The following SLC2A9 variants were observed in gnomAD, a reference collection of about 807,000 sequenced individuals.
The protein encoded by SLC2A9 is solute carrier family 2, facilitated glucose transporter member 9.
SLC2A9 carries 39 observed loss-of-function variants against 50.6 expected under a neutral mutation model. The ratio of observed to expected loss-of-function variants is 0.77; its 90% CI spans 0.60 to 1.01. SLC2A9 has a LOEUF of 1.01. SLC2A9 is among the 50% of genes least tolerant of loss of function. The probability of loss-of-function intolerance (pLI) is 0.00; values close to 1 mark genes in which losing one functional copy is unlikely to be tolerated. For missense variants in SLC2A9, 686 were observed against 677.6 expected (o/e 1.01, Z -0.14); for synonymous variants, 324 against 276.9 (o/e 1.17, Z -1.69).
chr4:9,939,115 C>T (rs1747663744), intron 6 of SLC2A9, among the ~76,000 whole-genome samples: 1 of 152,154 alleles, frequency 6.6e-6, no homozygotes, highest in African/African-American at 2.4e-5. Context: ...AGAGAAAACG[C>T]TTGTGTTTTC....
At chr4:9,818,746 C>T (rs2109029845) in intron 3 of SLC2A9, among the ~76,000 whole-genome samples, 1 of 152,328 alleles carries the variant, frequency 6.6e-6, no homozygotes, top group Admixed American at 6.5e-5. Context: ...TTGCTTGCCA[C>T]AGCATTGACA....
rs143685593 is a variant in SLC2A9, at chr4:10,010,171, T to A, written c.249+8804A>T. 9.9e-5 allele frequency among the ~76,000 whole-genome samples: 15 copies of A among 152,272 alleles called. 1 individual carries two copies. In the East Asian group the frequency reaches 2.9e-3, roughly 29 times the overall value. On this transcript the variant is annotated intron_variant, in intron 2 of 11. Transcript: ENST00000264784. ...GAGTTCAACCTTATGGCCAATGATT[T>A]GATCAATCACATCTACATGATGAAA...
chr4:9,924,626 T>G (rs1386871893), intron 6 of SLC2A9, among the ~76,000 whole-genome samples: 1 of 152,100 alleles, frequency 6.6e-6, no homozygotes, highest in Non-Finnish European at 1.5e-5. Flanking sequence ...GGAGAAGTGG[T>G]GCTTCCTCAA....
chr4:9,789,209 C>CA (rs1719597307), intron 3 of SLC2A9, among the ~76,000 whole-genome samples: 1 of 151,954 alleles, frequency 6.6e-6, no homozygotes, highest in South Asian at 2.1e-4. Context: ...ACCTGGAAGT[C>CA]AAAGAGATTA....
At chr4:9,931,964 A>C (rs58354127) in intron 6 of SLC2A9, among the ~76,000 whole-genome samples, 1,104 of 21,492 alleles carry the variant, frequency 0.051, 7 homozygotes, top group Non-Finnish European at 0.059. Flanking sequence ...CTCTCTCTCT[A>C]TATATATATA....
At chr4:9,840,958 T>C (rs1029682950) in intron 10 of SLC2A9, among the ~76,000 whole-genome samples, 4 of 152,252 alleles carry the variant, frequency 2.6e-5, no homozygotes, top group East Asian at 3.9e-4. Flanking sequence ...TTTGAAACCA[T>C]TAGATCTTGT....
chr4:9,844,166 TA>T lies in SLC2A9; in HGVS notation c.1292-9159del, dbSNP rs970014171. The stretch of plus-strand genomic sequence containing the variant: ...AGATTTAGTAAAAAAAAAATAATAA[TA>T]AAAAAAAAAAAAAGTCCTTCTGACT... On this transcript the variant is annotated intron_variant, in intron 10 of 11. Coordinates refer to ENST00000264784, the MANE Select transcript of SLC2A9 (RefSeq NM_020041.3). Among the ~76,000 whole-genome samples, 230 of 87,388 alleles carry T rather than the reference TA, an allele frequency of 2.6e-3. 10 individuals are homozygous for T. Among genetic ancestry groups the T allele is most frequent in the East Asian group, 0.021 (66 of 3,142 alleles). 57.3% of individuals were successfully genotyped at this position (87,388 alleles called of 152,430 possible). A position where few individuals can be genotyped will look rare whatever the true frequency, so the allele number is the denominator to read the frequency against.
At chr4:9,984,364 G>A (rs1226129945) in intron 4 of SLC2A9, among the ~76,000 whole-genome samples, 2 of 152,172 alleles carry the variant, frequency 1.3e-5, no homozygotes, top group Non-Finnish European at 2.9e-5. Context: ...AAGGGAATTA[G>A]CCTTTAAGAA....
At position 9,950,892 on chromosome 4, in the gene SLC2A9, C is replaced by CAAAAA. The variant is rs764863059; in HGVS notation, c.682-8852_682-8848dup. On this transcript the variant is annotated intron_variant, in intron 5 of 11. Transcript: ENST00000264784. ...TGGGCGACAGAGCGAGACTCCGTCT[C>CAAAAA]AAAAAAAAAAAAAAAAAAAAAAAAA... Among the ~76,000 whole-genome samples, 21 of 11,552 alleles carry CAAAAA rather than the reference C, an allele frequency of 1.8e-3. 5 individuals carry two copies. The highest frequency in any genetic ancestry group is 5.2e-3 in the South Asian group (1 of 194). 7.6% of individuals were successfully genotyped at this position (11,552 alleles called of 152,430 possible). A position where few individuals can be genotyped will look rare whatever the true frequency, so the allele number is the denominator to read the frequency against.
At chr4:9,899,829 C>G (rs904156751) in intron 8 of SLC2A9, among the ~76,000 whole-genome samples, 1 of 152,086 alleles carries the variant, frequency 6.6e-6, no homozygotes, top group African/African-American at 2.4e-5. Flanking sequence ...CCCATGCCAA[C>G]TGGGATGGAA....
At chr4:9,966,197 A>G (rs904549929) in intron 5 of SLC2A9, among the ~76,000 whole-genome samples, 1 of 152,078 alleles carries the variant, frequency 6.6e-6, no homozygotes, top group Non-Finnish European at 1.5e-5. Context: ...AGACTATCCG[A>G]AAAAAAATTG....
At chr4:10,021,248 G>A (rs370978392) in intron 1 of SLC2A9, 32 bp downstream of exon 1, 116 of 1,608,796 alleles carry the variant, frequency 7.2e-5, no homozygotes, top group East Asian at 2.0e-4. Context: ...CCCACAGCCC[G>A]CCAGCCATGC....
At chr4:9,966,796 C>T (rs1387433280) in intron 5 of SLC2A9, among the ~76,000 whole-genome samples, 3 of 150,622 alleles carry the variant, frequency 2.0e-5, no homozygotes, top group Non-Finnish European at 4.4e-5. Context: ...TTTTCCTACC[C>T]TTTTCCCATT....
intron 1 of SLC2A9, among the ~76,000 whole-genome samples, chr4:10,033,825 C>G (rs564468140): frequency 1.3e-5 from 2 of 152,310 alleles, no homozygotes; most frequent in Admixed American, 6.5e-5. Context: ...TGTCCGAAAT[C>G]CAGGGCGAGG....
intron 8 of SLC2A9, among the ~76,000 whole-genome samples, chr4:9,896,711 T>G (rs940094554): frequency 7.9e-5 from 12 of 152,258 alleles, no homozygotes; most frequent in African/African-American, 1.2e-4. Flanking sequence ...AGTTTAGCTT[T>G]TATGTCTAGA....
chr4:10,005,942 C>T (rs1250281909), intron 2 of SLC2A9, among the ~76,000 whole-genome samples: 9 of 152,152 alleles, frequency 5.9e-5, no homozygotes, highest in Admixed American at 2.0e-4. Flanking sequence ...CATTGCCCTC[C>T]TTGAAGAGTT....
At chr4:9,794,389 C>G (rs1313530133), downstream of SLC2A9, among the ~76,000 whole-genome samples, 1 of 152,188 alleles carries the variant, frequency 6.6e-6, no homozygotes, top group Non-Finnish European at 1.5e-5. Context: ...CTCCTGACTT[C>G]AGGTGATCCA....
At chr4:9,786,934 A>G (rs1227878143) in intron 3 of SLC2A9, among the ~76,000 whole-genome samples, 1 of 152,196 alleles carries the variant, frequency 6.6e-6, no homozygotes, top group Non-Finnish European at 1.5e-5. Context: ...ATCCAGCCCC[A>G]AATACCCATG....
At chr4:9,927,983 A>C (rs1745216917) in intron 6 of SLC2A9, among the ~76,000 whole-genome samples, 1 of 152,260 alleles carries the variant, frequency 6.6e-6, no homozygotes, top group South Asian at 2.1e-4. Context: ...AAGAATCCCC[A>C]AAAGCTGAGC....
Sources: allele counts gnomAD v4.1 joint callset (sites outside exome capture counted in the v4.1 genomes callset), GRCh38; gene constraint gnomAD v4.1.1; transcripts MANE v1.5; gene names NCBI Gene and HGNC (gene_info 2026-07-23, HGNC 2026-07-21).